The following RNF10 variants were observed in gnomAD, a reference collection of about 807,000 sequenced individuals.
The protein encoded by RNF10 is E3 ubiquitin-protein ligase RNF10.
A neutral mutation model predicts 91.4 loss-of-function variants in RNF10; 38 were observed. The ratio of observed to expected loss-of-function variants is 0.42; its 90% confidence interval spans 0.32 to 0.54. The LOEUF (loss-of-function observed/expected upper bound fraction) is 0.54, where lower values mean the gene tolerates loss of function less well. RNF10 is among the 20% of genes least tolerant of loss of function. RNF10 has a pLI of 0.16. For missense variants in RNF10, 945 were observed against 1,012.0 expected, an observed-to-expected ratio of 0.93 and a Z score of 0.90; for synonymous variants, 364 against 366.3, an observed-to-expected ratio of 0.99 and a Z score of 0.07.
chr12:120,563,085 G>T lies in RNF10; in HGVS notation c.1254+15G>T. 20 of 1,613,962 alleles carry T rather than the reference G, an allele frequency of 1.2e-5. No individual in the cohort carries two copies. Among genetic ancestry groups the T allele is most frequent in the Middle Eastern group, 1.7e-4 (1 of 6,060 alleles). ...AACCCAGGAAGGTTAGTGTGTTCCT[G>T]TTACTAAGTGGCTGCCGTTCCTCAA... On this transcript the variant is annotated intron_variant, in intron 8 of 16. Coordinates refer to ENST00000325954, the MANE Select transcript of RNF10 (RefSeq NM_014868.5).
At chr12:120,539,772 A>G (rs538342448) in intron 1 of RNF10, among the ~76,000 whole-genome samples, 14 of 151,698 alleles carry the variant, frequency 9.2e-5, no homozygotes, top group African/African-American at 3.4e-4. Flanking sequence ...CCATTTTGGA[A>G]TGTGTCTTGA....
rs778387833 is a variant in RNF10 at position 120,546,394 on chromosome 12, C to G, written c.158-11C>G. 5.6e-6 allele frequency: 9 copies of G among 1,601,396 alleles called. No individual in the cohort carries two copies. In the Admixed American group the frequency reaches 7.1e-5, roughly 13 times the overall value. Reference sequence around the variant, plus strand: ...CTTCTTAAGACGTTCTTTTGTGTTTCTTGCTTTCAGATGGAAAGAACTCCA... The same window carrying G: ...CTTCTTAAGACGTTCTTTTGTGTTTGTTGCTTTCAGATGGAAAGAACTCCA... On this transcript the variant is annotated splice_polypyrimidine_tract_variant and intron_variant, in intron 1 of 16. Transcript: ENST00000325954.
intron 1 of RNF10, 150 bp downstream of exon 1, chr12:120,535,118 C>G (rs1870553384): frequency 1.1e-6 from 1 of 870,184 alleles, no homozygotes; most frequent in African/African-American, 1.7e-5. Flanking sequence ...TTTGCAGTTA[C>G]ATTAATGAGC....
In RNF10 at chr12:120,577,099, G is replaced by T; in HGVS notation, c.*433G>T. On this transcript the variant is annotated 3_prime_UTR_variant, in exon 17 of 17. Coordinates refer to ENST00000325954, the MANE Select transcript of RNF10 (RefSeq NM_014868.5). ...TCAGTTTGTCTTTTAAAAAACAGCTGAATCTTTACTACCTATTTAGTTCTC... is the reference window on the plus strand; with the variant it reads ...TCAGTTTGTCTTTTAAAAAACAGCTTAATCTTTACTACCTATTTAGTTCTC... 2.3e-6 allele frequency: 1 copy of T among 429,946 alleles called. No individual in the cohort carries two copies. The highest frequency in any genetic ancestry group is 4.6e-6 in the Non-Finnish European group (1 of 217,350). The allele number at this position is 429,946 out of a possible 1,614,324, so 26.6% of individuals were successfully genotyped here. A position where few individuals can be genotyped will look rare whatever the true frequency, so the allele number is the denominator to read the frequency against.
intron 13 of RNF10, among the ~76,000 whole-genome samples, chr12:120,570,842 A>G (rs1876513157): frequency 6.6e-6 from 1 of 152,210 alleles, no homozygotes; most frequent in Non-Finnish European, 1.5e-5. Context: ...TCATCCTTGT[A>G]AAACCAGTCC....
chr12:120,534,559 C>T lies in RNF10; in HGVS notation c.-253C>T. 1 of 746,012 alleles carries T rather than the reference C, an allele frequency of 1.3e-6. No homozygotes were observed. The allele number at this position is 746,012 out of a possible 1,614,324, so 46.2% of individuals were successfully genotyped here. ...CCTCCCCTTCCCCCGCAGCCTCCGC[C>T]CCGCCAGGCCCGGCCCGGACTCCCG... is the stretch of plus-strand genomic sequence containing the variant. On this transcript the variant is annotated 5_prime_UTR_variant, in exon 1 of 17. Transcript: ENST00000325954.
At chr12:120,541,019 C>T (rs1328119133) in intron 1 of RNF10, among the ~76,000 whole-genome samples, 2 of 152,092 alleles carry the variant, frequency 1.3e-5, no homozygotes, top group Non-Finnish European at 2.9e-5. Context: ...CCATGCCCAG[C>T]TAATTTTTTG....
chr12:120,535,090 C>A, intron 1 of RNF10, 122 bp downstream of exon 1: 1 of 1,076,152 alleles, frequency 9.3e-7, no homozygotes. Context: ...TCCTACCTGC[C>A]CTTTTCCATG....
At chr12:120,547,592 C>G (rs755696361) in intron 2 of RNF10, among the ~76,000 whole-genome samples, 2 of 152,170 alleles carry the variant, frequency 1.3e-5, no homozygotes, top group Non-Finnish European at 2.9e-5. Flanking sequence ...CCACACCTGG[C>G]CATGTTACAT....
At position 120,576,831 on chromosome 12, in the gene RNF10, T is replaced by TA; in HGVS notation, c.*166dup. ...GAGGGGGAACCAAGAAAATTTTAAA[T>TA]ACAGTGTATTTTCCAGCTTCCTGTC... On this transcript the variant is annotated 3_prime_UTR_variant, in exon 17 of 17. Coordinates refer to ENST00000325954, the MANE Select transcript of RNF10 (RefSeq NM_014868.5). 4 of 826,502 alleles carry TA rather than the reference T, an allele frequency of 4.8e-6. No individual in the cohort carries two copies. The East Asian group carries it at 8.3e-5, about 17-fold the overall frequency. 51.2% of individuals were successfully genotyped at this position (826,502 alleles called of 1,614,324 possible). A position where few individuals can be genotyped will look rare whatever the true frequency, so the allele number is the denominator to read the frequency against.
At chr12:120,540,328 G>C (rs1231344865) in intron 1 of RNF10, among the ~76,000 whole-genome samples, 1 of 152,084 alleles carries the variant, frequency 6.6e-6, no homozygotes, top group Non-Finnish European at 1.5e-5. Context: ...TAAAAAGTCT[G>C]TGCAAGTGAT....
At chr12:120,538,250 T>TC (rs995780089) in intron 1 of RNF10, among the ~76,000 whole-genome samples, 1 of 152,196 alleles carries the variant, frequency 6.6e-6, no homozygotes, top group African/African-American at 2.4e-5. Flanking sequence ...TCACTTTTTT[T>TC]CTCCCCCTTT....
chr12:120,574,496 A>G, intron 14 of RNF10: 1 of 456,110 alleles, frequency 2.2e-6, no homozygotes, highest in Middle Eastern at 3.3e-4. Flanking sequence ...GTTGGATCTG[A>G]AAGTTAATGA....
At chr12:120,548,921 C>A (rs781364919) in intron 2 of RNF10, among the ~76,000 whole-genome samples, 1 of 151,956 alleles carries the variant, frequency 6.6e-6, no homozygotes, top group Non-Finnish European at 1.5e-5. Context: ...CCGCCCGCTT[C>A]GGCCTCCCAA....
intron 11 of RNF10, 63 bp from the exon 12 acceptor site, chr12:120,565,365 C>T (rs1875537316): frequency 1.4e-6 from 2 of 1,479,512 alleles, no homozygotes; most frequent in Admixed American, 1.7e-5. Flanking sequence ...GCTGCTAATA[C>T]TGGGAGGAGG....
chr12:120,574,803 A>G (rs1306511594), intron 14 of RNF10: 5 of 255,846 alleles, frequency 2.0e-5, no homozygotes, highest in Non-Finnish European at 3.1e-5. Flanking sequence ...GTGCATGCCT[A>G]TAATCCCAGC....
At chr12:120,551,784 C>T (rs934729123) in intron 2 of RNF10, among the ~76,000 whole-genome samples, 5 of 152,046 alleles carry the variant, frequency 3.3e-5, no homozygotes, top group East Asian at 1.9e-4. Flanking sequence ...TGTGCATTAC[C>T]GTTGCCTAGC....
At chr12:120,549,133 C>T (rs566208714) in intron 2 of RNF10, among the ~76,000 whole-genome samples, 1 of 152,082 alleles carries the variant, frequency 6.6e-6, no homozygotes, top group African/African-American at 2.4e-5. Context: ...AGGAACTCTA[C>T]CAGTTCATCC....
In RNF10 at chr12:120,534,530, C is replaced by T; in HGVS notation, c.-282C>T. ...GGCCGGCGGGGCTCGCGCAACCTCC[C>T]TCGCCTCCCCTTCCCCCGCAGCCTC... On this transcript the variant is annotated 5_prime_UTR_variant, in exon 1 of 17. Transcript: ENST00000325954. 2 of 428,194 alleles carry T rather than the reference C, an allele frequency of 4.7e-6. No homozygotes were observed. The highest frequency in any genetic ancestry group is 7.2e-6 in the Non-Finnish European group (2 of 278,044). The allele number at this position is 428,194 out of a possible 1,614,324, so 26.5% of individuals were successfully genotyped here.
Sources: allele counts gnomAD v4.1 joint callset (sites outside exome capture counted in the v4.1 genomes callset), GRCh38; gene constraint gnomAD v4.1.1; transcripts MANE v1.5; gene names NCBI Gene and HGNC (gene_info 2026-07-23, HGNC 2026-07-21).